Variants in ADAMTS18 observed in about 807,000 individuals in gnomAD.
ADAMTS18 encodes the protein A disintegrin and metalloproteinase with thrombospondin motifs 18.
In ADAMTS18, 157 loss-of-function variants were observed where a neutral mutation model predicts 165.9. The ratio of observed to expected loss-of-function variants is 0.95; its 90% CI spans 0.83 to 1.08. The LOEUF is 1.08. ADAMTS18 is among the 50% of genes least tolerant of loss of function. ADAMTS18 has a pLI of 0.00. For missense variants in ADAMTS18, 2,040 were observed against 1,534.0 expected (o/e 1.33, Z -5.51); for synonymous variants, 782 against 578.2 (o/e 1.35, Z -5.06).
chr16:77,428,059 A>C (rs1019011393), intron 3 of ADAMTS18, among the ~76,000 whole-genome samples: 5 of 152,216 alleles, frequency 3.3e-5, no homozygotes, highest in Admixed American at 2.0e-4. Context: ...CTTTCCTAAT[A>C]TACACTGCAT....
At chr16:77,336,784 T>G (rs2144677165) in intron 11 of ADAMTS18, among the ~76,000 whole-genome samples, 1 of 152,304 alleles carries the variant, frequency 6.6e-6, no homozygotes, top group African/African-American at 2.4e-5. Context: ...TTTGTTTTAT[T>G]TTTTGTTTTT....
At chr16:77,317,411 G>A (rs1402739778) in intron 16 of ADAMTS18, among the ~76,000 whole-genome samples, 1 of 152,098 alleles carries the variant, frequency 6.6e-6, no homozygotes, top group Non-Finnish European at 1.5e-5. Flanking sequence ...TCGGCTCACT[G>A]CAACCTGTGC....
At chr16:77,430,727 TA>T (rs1456289886) in intron 3 of ADAMTS18, among the ~76,000 whole-genome samples, 1 of 152,168 alleles carries the variant, frequency 6.6e-6, no homozygotes, top group East Asian at 1.9e-4. Flanking sequence ...CAAATGCTTT[TA>T]AAAGGTTCTG....
At chr16:77,372,888 C>G (rs1184696300) in intron 3 of ADAMTS18, among the ~76,000 whole-genome samples, 5 of 152,174 alleles carry the variant, frequency 3.3e-5, no homozygotes, top group Non-Finnish European at 7.4e-5. Flanking sequence ...CAGCACTAAT[C>G]AACTTCTTCC....
chr16:77,382,878 C>A (rs967113067), intron 3 of ADAMTS18, among the ~76,000 whole-genome samples: 5 of 152,172 alleles, frequency 3.3e-5, no homozygotes, highest in Non-Finnish European at 7.3e-5. Context: ...CCTCTTCACA[C>A]GTCAGCATCC....
At position 77,367,591 on chromosome 16, in the gene ADAMTS18, TCTC is replaced by T. The variant is rs1187792183; in HGVS notation, c.625_627del (p.Glu209del). On this transcript the variant is annotated inframe_deletion, in exon 4 of 23. Coordinates refer to ENST00000282849, the MANE Select transcript of ADAMTS18 (RefSeq NM_199355.4). ...GGGTAGCCACGGTACCGCTGGATCT[TCTC>T]CTCTGCTGTCCTTTTGTACAGTACG... The T allele has an allele frequency of 6.2e-7, 1 of 1,614,084 alleles. No homozygotes were observed. The highest frequency in any genetic ancestry group is 8.5e-7 in the Non-Finnish European group (1 of 1,180,030).
At chr16:77,367,328 A>G (rs2056809589) in intron 4 of ADAMTS18, 113 bp downstream of exon 4, 11 of 1,170,428 alleles carry the variant, frequency 9.4e-6, no homozygotes, top group Non-Finnish European at 1.4e-5. Flanking sequence ...ACACCAAGAC[A>G]GATGCTCAGG....
chr16:77,300,378 C>G lies in ADAMTS18; in HGVS notation c.2559G>C (p.Gly853=). 6.2e-7 allele frequency: 1 copy of G among 1,614,026 alleles called. No individual in the cohort carries two copies. Among genetic ancestry groups the G allele is most frequent in the East Asian group, 2.2e-5 (1 of 44,862 alleles). ...FEILMQGKNP[G]IAWKYALPKV... ...TGGGAAGTGCATACTTCCAAGCTAT[C>G]CCTGGATTTTTGCCTTGCATCAGAA... Residue 853 remains glycine (G), a synonymous_variant, in exon 17 of 23, where the codon GGG becomes GGC. Coordinates refer to ENST00000282849, the MANE Select transcript of ADAMTS18 (RefSeq NM_199355.4).
intron 3 of ADAMTS18, among the ~76,000 whole-genome samples, chr16:77,376,061 G>A (rs1018935549): frequency 6.6e-6 from 1 of 151,674 alleles, no homozygotes; most frequent in South Asian, 2.1e-4. Context: ...GGGCCACCAC[G>A]CCCGGCTAAT....
intron 3 of ADAMTS18, among the ~76,000 whole-genome samples, chr16:77,379,304 G>T (rs1205822491): frequency 6.6e-6 from 1 of 152,188 alleles, no homozygotes; most frequent in Non-Finnish European, 1.5e-5. Context: ...CTGAAAAGCA[G>T]CAACAATCTC....
rs1369428811 is a variant in ADAMTS18, at chr16:77,431,530, T to G, written c.260A>C (p.Lys87Thr). 1 of 1,614,064 alleles carries G rather than the reference T, an allele frequency of 6.2e-7. No homozygotes were observed. Among genetic ancestry groups the G allele is most frequent in the African/African-American group, 1.3e-5 (1 of 74,918 alleles). The change falls in exon 3 of 23, where the codon AAG becomes ACG. Residue 87 changes from lysine (K) to threonine (T), a missense_variant. Transcript: ENST00000282849. ...GCTTCTGGCATTCTGCGCCGATCGCTTTTTCCTGCCGTTGTGCAAAATGTC... is the reference window on the plus strand; with the variant it reads ...GCTTCTGGCATTCTGCGCCGATCGCGTTTTCCTGCCGTTGTGCAAAATGTC... ...SHDILHNGRK[K>T]RSAQNARSSL... is the part of the protein sequence containing the mutation.
At chr16:77,356,985 ATTTTTT>A (rs4038549) in intron 8 of ADAMTS18, among the ~76,000 whole-genome samples, 13,055 of 140,506 alleles carry the variant, frequency 0.093, 1,447 homozygotes, top group African/African-American at 0.27. Context: ...CTTTTCTGAA[ATTTTTT>A]TTTTTTTTTT....
At chr16:77,430,252 T>A (rs1257418774) in intron 3 of ADAMTS18, among the ~76,000 whole-genome samples, 1 of 152,222 alleles carries the variant, frequency 6.6e-6, no homozygotes, top group Non-Finnish European at 1.5e-5. Flanking sequence ...TGGTGAGCCA[T>A]GTTCATCATT....
chr16:77,378,111 C>G (rs570196541), intron 3 of ADAMTS18, among the ~76,000 whole-genome samples: 34 of 151,888 alleles, frequency 2.2e-4, no homozygotes, highest in African/African-American at 6.0e-4. Context: ...GAGGATCACT[C>G]GAGCTCAGGA....
intron 3 of ADAMTS18, among the ~76,000 whole-genome samples, chr16:77,414,819 TTA>T (rs2057509066): frequency 1.3e-4 from 20 of 152,212 alleles, no homozygotes; most frequent in Admixed American, 5.9e-4. Flanking sequence ...GTTTACATCA[TTA>T]CCCCACATGT....
chr16:77,297,246 A>T (rs1327319623), intron 18 of ADAMTS18, 43 bp downstream of exon 18: 1 of 1,612,538 alleles, frequency 6.2e-7, no homozygotes, highest in Admixed American at 1.7e-5. Flanking sequence ...ATGAAGGCAT[A>T]CAAGTACAAA....
chr16:77,295,549 T>C (rs1307012812), intron 18 of ADAMTS18, among the ~76,000 whole-genome samples: 3 of 152,160 alleles, frequency 2.0e-5, no homozygotes, highest in African/African-American at 7.2e-5. Context: ...AGACAGTACT[T>C]TCTGATAAGT....
chr16:77,346,758 CAATT>C (rs1168176843), intron 10 of ADAMTS18, among the ~76,000 whole-genome samples: 2 of 152,158 alleles, frequency 1.3e-5, no homozygotes, highest in African/African-American at 4.8e-5. Flanking sequence ...TAACAAATAA[CAATT>C]AACAAGTAGG....
At chr16:77,393,387 A>G in intron 3 of ADAMTS18, among the ~76,000 whole-genome samples, 1 of 152,232 alleles carries the variant, frequency 6.6e-6, no homozygotes, top group East Asian at 1.9e-4. Flanking sequence ...ACTGTTACAC[A>G]TGAACGAATG....
Sources: gnomAD v4.1 joint callset for allele counts (sites outside exome capture counted in the v4.1 genomes callset) on GRCh38, gnomAD v4.1.1 for gene constraint, MANE v1.5 for transcripts, NCBI Gene and HGNC (gene_info 2026-07-23, HGNC 2026-07-21) for gene names.